Variants in PPP1R12A observed in about 807,000 individuals in gnomAD.
The protein encoded by PPP1R12A is protein phosphatase 1 regulatory subunit 12A, also known as myosin binding subunit.
PPP1R12A carries 19 observed loss-of-function variants against 139.6 expected under a neutral mutation model. That is an observed-to-expected ratio of 0.14 (90% CI 0.09 to 0.20). The LOEUF is 0.20. PPP1R12A is among the 10% of genes least tolerant of loss of function. The pLI is 1.00. For missense variants in PPP1R12A, 925 were observed against 1,211.5 expected (o/e 0.76, Z 3.51); for synonymous variants, 427 against 420.6 (o/e 1.02, Z -0.19).
intron 1 of PPP1R12A, among the ~76,000 whole-genome samples, chr12:79,880,650 G>T (rs902096076): frequency 6.6e-6 from 1 of 152,094 alleles, no homozygotes; most frequent in Non-Finnish European, 1.5e-5. Context: ...AGAGTTTTTA[G>T]GAAGAAGGGT....
At chr12:79,861,394 G>T (rs570495499) in intron 2 of PPP1R12A, among the ~76,000 whole-genome samples, 2 of 152,174 alleles carry the variant, frequency 1.3e-5, no homozygotes, top group African/African-American at 4.8e-5. Flanking sequence ...CAGCAAGATC[G>T]ATGCAGAAGA....
intron 15 of PPP1R12A, among the ~76,000 whole-genome samples, chr12:79,797,623 G>C (rs1056227651): frequency 1.3e-5 from 2 of 151,994 alleles, no homozygotes; most frequent in Non-Finnish European, 2.9e-5. Flanking sequence ...TTCCCCACAA[G>C]TTCAAACTAG....
intron 1 of PPP1R12A, among the ~76,000 whole-genome samples, chr12:79,875,250 AATC>A (rs1882987149): frequency 6.6e-6 from 1 of 152,172 alleles, no homozygotes; most frequent in African/African-American, 2.4e-5. Flanking sequence ...CACTATTCAT[AATC>A]ATCATCATAT....
At chr12:79,779,440 AT>A in intron 23 of PPP1R12A, 2 of 992,172 alleles carry the variant, frequency 2.0e-6, no homozygotes, top group Non-Finnish European at 2.8e-6. Flanking sequence ...TAATGCTGAT[AT>A]TTAGTCAAGC....
chr12:79,896,975 G>C (rs1885187196), intron 1 of PPP1R12A, among the ~76,000 whole-genome samples: 1 of 152,166 alleles, frequency 6.6e-6, no homozygotes, highest in Admixed American at 6.5e-5. Flanking sequence ...AAGAGAATAA[G>C]TTTCAAGAAG....
Position 79,789,971 on chromosome 12 carries a change from T to G in PPP1R12A, c.2666+496A>C, listed in dbSNP as rs377284344. Among the ~76,000 whole-genome samples, 787 of 150,998 alleles carry G rather than the reference T, an allele frequency of 5.2e-3. 5 individuals are homozygous for G. Among genetic ancestry groups the G allele is most frequent in the African/African-American group, 0.018 (747 of 41,054 alleles). On this transcript the variant is annotated intron_variant, in intron 20 of 24. Transcript: ENST00000450142. ...ATTAAGAAATTTTTTTTTTTTTTGG[T>G]AGAGATGGAGTCTTGATGTTGTCCA...
At chr12:79,880,938 T>C (rs779263188) in intron 1 of PPP1R12A, among the ~76,000 whole-genome samples, 5 of 152,144 alleles carry the variant, frequency 3.3e-5, no homozygotes, top group Non-Finnish European at 7.4e-5. Flanking sequence ...ACTAGATCTG[T>C]TATGGTGATT....
At chr12:79,855,374 G>A (rs183000672) in intron 2 of PPP1R12A, among the ~76,000 whole-genome samples, 1 of 152,134 alleles carries the variant, frequency 6.6e-6, no homozygotes, top group African/African-American at 2.4e-5. Flanking sequence ...ACCCTAAGAG[G>A]TCTGAGAAAA....
Position 79,822,811 on chromosome 12 carries a change from ATT to A in PPP1R12A, c.793-623_793-622del, listed in dbSNP as rs34115550. Among the ~76,000 whole-genome samples the A allele has an allele frequency of 5.1e-3, 666 of 129,800 alleles. 5 individuals carry two copies. Among genetic ancestry groups the A allele is most frequent in the African/African-American group, 0.017 (590 of 35,558 alleles). The allele number at this position is 129,800 out of a possible 152,430, so 85.2% of individuals were successfully genotyped here. ...ATCTAGTCATCAGGTGGACATCTGC[ATT>A]TTTTTTTTTTTTTTTGCCTATGATG... On this transcript the variant is annotated intron_variant, in intron 5 of 24. Transcript: ENST00000450142.
chr12:79,871,696 GT>G (rs1306540619), intron 2 of PPP1R12A, among the ~76,000 whole-genome samples: 5 of 151,472 alleles, frequency 3.3e-5, no homozygotes, highest in South Asian at 2.1e-4. Context: ...AATTATCTGG[GT>G]TTTTTTTTCT....
Position 79,806,311 on chromosome 12 carries a change from CTT to C in PPP1R12A, c.1676_1677del (p.Gln559ArgfsTer2). ...GGAACACTAGAACTAATCAAATCAT[CTT>C]GTCTTCTACCAAAGGAGCAACTAAA... is the stretch of plus-strand genomic sequence containing the variant. The part of the protein sequence containing the change: ...YHKSCSFGRR[Q>X]DDLISSSVPS... On this transcript the variant is annotated frameshift_variant, in exon 13 of 25. Coordinates refer to ENST00000450142, the MANE Select transcript of PPP1R12A (RefSeq NM_002480.3). LOFTEE classifies it high-confidence loss of function. 1 of 1,613,704 alleles carries C rather than the reference CTT, an allele frequency of 6.2e-7. No individual in the cohort carries two copies. The highest frequency in any genetic ancestry group is 8.5e-7 in the Non-Finnish European group (1 of 1,179,666).
intron 5 of PPP1R12A, among the ~76,000 whole-genome samples, chr12:79,827,485 G>A (rs777080478): frequency 2.0e-5 from 3 of 152,064 alleles, no homozygotes; most frequent in Non-Finnish European, 2.9e-5. Flanking sequence ...TCTATGGAAA[G>A]GTAATCAAAC....
intron 15 of PPP1R12A, 80 bp downstream of exon 15, chr12:79,798,414 A>C: frequency 1.2e-6 from 1 of 869,528 alleles, no homozygotes; most frequent in Non-Finnish European, 1.7e-6. Context: ...GAGAAAGGTA[A>C]CTTGTTTTAT....
intron 5 of PPP1R12A, among the ~76,000 whole-genome samples, chr12:79,826,337 GTTTTT>G (rs34658905): frequency 3.4e-5 from 4 of 117,194 alleles, no homozygotes; most frequent in South Asian, 6.0e-4. Flanking sequence ...ATTGTTTCGG[GTTTTT>G]TTTTTTTTTT....
rs1444608102 is a variant in PPP1R12A, at chr12:79,872,958, C to G, written c.238-20G>C. ...GCAAGCCTAAAAACAAAACAGAAAG[C>G]AAGATTGGAAAAAATACGAATTAAC... On this transcript the variant is annotated intron_variant, in intron 1 of 24. Transcript: ENST00000450142. 6.2e-7 allele frequency: 1 copy of G among 1,603,476 alleles called. No homozygotes were observed. The highest frequency in any genetic ancestry group is 1.3e-5 in the African/African-American group (1 of 74,656).
At chr12:79,829,038 A>T (rs1199884656) in intron 4 of PPP1R12A, among the ~76,000 whole-genome samples, 2 of 152,134 alleles carry the variant, frequency 1.3e-5, no homozygotes, top group African/African-American at 4.8e-5. Context: ...AAGGAGTCGG[A>T]TCTATTTTTC....
At chr12:79,838,484 A>C (rs533876478) in intron 3 of PPP1R12A, among the ~76,000 whole-genome samples, 1 of 152,368 alleles carries the variant, frequency 6.6e-6, no homozygotes, top group East Asian at 1.9e-4. Flanking sequence ...TCCCCAGGGC[A>C]TGTCAAAGAC....
chr12:79,908,999 C>A (rs532355090), intron 1 of PPP1R12A, among the ~76,000 whole-genome samples: 35 of 152,240 alleles, frequency 2.3e-4, no homozygotes, highest in South Asian at 1.2e-3. Context: ...TTGTTGTGGC[C>A]TATCAATTGT....
chr12:79,807,362 C>T (rs879166365), intron 11 of PPP1R12A, 32 bp from the exon 12 acceptor site: 1 of 1,338,496 alleles, frequency 7.5e-7, no homozygotes, highest in Non-Finnish European at 1.0e-6. Flanking sequence ...GATTCTGGTA[C>T]ATAATTTTAA....
Sources: allele counts gnomAD v4.1 joint callset (sites outside exome capture counted in the v4.1 genomes callset), GRCh38; gene constraint gnomAD v4.1.1; transcripts MANE v1.5; gene names NCBI Gene and HGNC (gene_info 2026-07-23, HGNC 2026-07-21).